The following CNTLN variants were observed in gnomAD, a reference collection of about 807,000 sequenced individuals.
CNTLN encodes the protein centlein, centrosomal protein.
CNTLN carries 212 observed loss-of-function variants against 180.0 expected under a neutral mutation model. The ratio of observed to expected loss-of-function variants is 1.18; its 90% CI spans 1.05 to 1.32. The LOEUF is 1.32. Ranked by LOEUF, CNTLN falls within the 40% of genes most tolerant of loss-of-function variation. The pLI is 0.00. For missense variants in CNTLN, 2,095 were observed against 1,610.9 expected, an observed-to-expected ratio of 1.30 and a Z score of -5.14; for synonymous variants, 722 against 563.1, an observed-to-expected ratio of 1.28 and a Z score of -3.99.
At chr9:17,504,957 T>C (rs1324763622), downstream of CNTLN, among the ~76,000 whole-genome samples, 1 of 152,136 alleles carries the variant, frequency 6.6e-6, no homozygotes, top group East Asian at 1.9e-4. Context: ...AGAAAACAAA[T>C]AGAATTTGCC....
In CNTLN at chr9:17,415,873, C is replaced by T. The variant is rs1158232015; in HGVS notation, c.2882C>T (p.Pro961Leu). ...CAAAAGAGTTCACATACAGCAGTTC[C>T]TACTAGAGGTAAGAATGTATATGCA... is the stretch of plus-strand genomic sequence containing the variant. ...KMQKSSHTAV[P>L]TRVNREKYKN... Residue 961 changes from proline (P) to leucine (L), a missense_variant, in exon 17 of 26, where the codon CCT (proline) becomes CTT (leucine). Pro to Leu is a moderately conservative substitution (Grantham distance 98, BLOSUM62 -3). Coordinates refer to ENST00000380647, the MANE Select transcript of CNTLN (RefSeq NM_017738.4). 2 of 1,609,002 alleles carry T rather than the reference C, an allele frequency of 1.2e-6. No individual in the cohort carries two copies. The highest frequency in any genetic ancestry group is 1.7e-4 in the Middle Eastern group (1 of 5,970).
chr9:17,464,197 T>G (rs1207502514), intron 20 of CNTLN, among the ~76,000 whole-genome samples: 4 of 151,404 alleles, frequency 2.6e-5, no homozygotes, highest in African/African-American at 9.7e-5. Flanking sequence ...AAAATGTAAT[T>G]TAAATGAAAT....
At chr9:17,379,418 C>G (rs1005822100) in intron 13 of CNTLN, among the ~76,000 whole-genome samples, 1 of 152,084 alleles carries the variant, frequency 6.6e-6, no homozygotes, top group African/African-American at 2.4e-5. Flanking sequence ...AACTCTAGCT[C>G]ACTTGACCTC....
intron 2 of CNTLN, among the ~76,000 whole-genome samples, chr9:17,179,592 G>T (rs1225139411): frequency 3.3e-5 from 5 of 152,118 alleles, no homozygotes; most frequent in Admixed American, 3.3e-4. Flanking sequence ...CCAAAGTATG[G>T]TTTATCTTTG....
intron 2 of CNTLN, among the ~76,000 whole-genome samples, chr9:17,191,983 C>T (rs1013617166): frequency 1.3e-5 from 2 of 152,042 alleles, no homozygotes. Context: ...CTGTACTAAG[C>T]TGTTTTTTTG....
intron 6 of CNTLN, among the ~76,000 whole-genome samples, chr9:17,294,650 G>C (rs1426782884): frequency 1.3e-5 from 2 of 149,570 alleles, no homozygotes; most frequent in Admixed American, 6.7e-5. Context: ...GCCACAGGTG[G>C]AGCTGCCTGC....
chr9:17,349,493 T>A (rs1822186299), intron 12 of CNTLN, among the ~76,000 whole-genome samples: 1 of 152,160 alleles, frequency 6.6e-6, no homozygotes, highest in Non-Finnish European at 1.5e-5. Context: ...AAGTTAACTT[T>A]TAAAGACTTT....
At chr9:17,163,636 A>G (rs1271798042) in intron 2 of CNTLN, among the ~76,000 whole-genome samples, 2 of 152,234 alleles carry the variant, frequency 1.3e-5, no homozygotes, top group African/African-American at 2.4e-5. Flanking sequence ...GAATAAATGA[A>G]TGAATAACTG....
rs1020092580 is a variant in CNTLN, at chr9:17,342,425, C to A, written c.1867C>A (p.Gln623Lys). The change falls in exon 12 of 26, where the codon CAG (glutamine) becomes AAG (lysine). Residue 623 changes from glutamine to lysine, a missense_variant. Gln to Lys is a moderately conservative substitution (Grantham distance 53, BLOSUM62 1). Transcript: ENST00000380647. ...NELAYFKREN[Q>K]ELMIQKMNLE... ...ACTGGCATATTTCAAAAGGGAAAAC[C>A]AGGAGCTAATGATTCAAAAGTGAGT... is the stretch of plus-strand genomic sequence containing the variant. The A allele has an allele frequency of 2.5e-6, 4 of 1,604,432 alleles. No individual in the cohort carries two copies. Among genetic ancestry groups the A allele is most frequent in the Non-Finnish European group, 3.4e-6 (4 of 1,177,088 alleles).
chr9:17,251,099 C>T (rs1014299568), intron 5 of CNTLN, among the ~76,000 whole-genome samples: 1 of 151,970 alleles, frequency 6.6e-6, no homozygotes, highest in Admixed American at 6.6e-5. Flanking sequence ...TGGTTTCTGG[C>T]AAGAAATCAG....
rs114120262 is a variant in CNTLN at position 17,308,461 on chromosome 9, A to G, written c.1147-597A>G. ...CTATTCCTCTGTTCCTCCTAGCAGT[A>G]GATACTAAATTATACTTAATAAGAA... On this transcript the variant is annotated intron_variant, in intron 7 of 25. Transcript: ENST00000380647. Among the ~76,000 whole-genome samples, 1,022 of 152,224 alleles carry G rather than the reference A, an allele frequency of 6.7e-3. 12 individuals carry two copies. The highest frequency in any genetic ancestry group is 0.023 in the African/African-American group (964 of 41,546).
At chr9:17,409,084 A>G (rs1827638081) in intron 15 of CNTLN, among the ~76,000 whole-genome samples, 1 of 152,154 alleles carries the variant, frequency 6.6e-6, no homozygotes, top group Non-Finnish European at 1.5e-5. Flanking sequence ...TTGAAATTAG[A>G]TAATCTGTTT....
At chr9:17,299,344 T>C (rs10963017) in intron 7 of CNTLN, 99,220 of 405,450 alleles carry the variant, frequency 0.24, 12,553 homozygotes, top group South Asian at 0.36. Flanking sequence ...TATAGTGTTA[T>C]TCTCATTTAA....
At chr9:17,197,000 A>C (rs952027113) in intron 2 of CNTLN, among the ~76,000 whole-genome samples, 1 of 152,142 alleles carries the variant, frequency 6.6e-6, no homozygotes, top group African/African-American at 2.4e-5. Context: ...GTTCCACTAC[A>C]TTTCCCAGTC....
At chr9:17,522,035 T>A in the CNTLN span, among the ~76,000 whole-genome samples, 2 of 152,068 alleles carry the variant, frequency 1.3e-5, no homozygotes, top group African/African-American at 4.8e-5. Flanking sequence ...TAGCAACTAC[T>A]GTTTACAATG....
intron 5 of CNTLN, among the ~76,000 whole-genome samples, chr9:17,243,124 C>T (rs1391563570): frequency 1.3e-5 from 2 of 152,100 alleles, no homozygotes; most frequent in African/African-American, 2.4e-5. Context: ...CATATAGTTG[C>T]TCATAGTAGC....
chr9:17,140,106 A>G (rs1450339296), intron 1 of CNTLN, among the ~76,000 whole-genome samples: 1 of 152,152 alleles, frequency 6.6e-6, no homozygotes, highest in Non-Finnish European at 1.5e-5. Context: ...AATGTCTGGA[A>G]CAGTTTGGAA....
In CNTLN at chr9:17,465,889, C is replaced by A. The variant is rs546346918; in HGVS notation, c.3532-92C>A. On this transcript the variant is annotated intron_variant, in intron 21 of 25. Transcript: ENST00000380647. ...TTATGAGAAAATAAATGGAAGTAGACTCATTCACTCATTTAGTTTCTGTTG... is the reference window on the plus strand; with the variant it reads ...TTATGAGAAAATAAATGGAAGTAGAATCATTCACTCATTTAGTTTCTGTTG... 36 of 873,270 alleles carry A rather than the reference C, an allele frequency of 4.1e-5. No homozygotes were observed. In the East Asian group the frequency reaches 8.2e-4, roughly 20 times the overall value. 54.1% of individuals were successfully genotyped at this position (873,270 alleles called of 1,614,324 possible).
At chr9:17,406,326 C>G (rs1310906670) in intron 15 of CNTLN, among the ~76,000 whole-genome samples, 1 of 151,800 alleles carries the variant, frequency 6.6e-6, no homozygotes, top group Non-Finnish European at 1.5e-5. Flanking sequence ...AAGAACTTTC[C>G]TAACCACCCT....
Sources: gnomAD v4.1 joint callset for allele counts (sites outside exome capture counted in the v4.1 genomes callset) on GRCh38, gnomAD v4.1.1 for gene constraint, MANE v1.5 for transcripts, NCBI Gene and HGNC (gene_info 2026-07-23, HGNC 2026-07-21) for gene names.